The following SPMAP2 variants were observed in gnomAD, a reference collection of about 807,000 sequenced individuals.
SPMAP2 encodes the protein sperm microtubule associated protein 2.
At chr19:372,544 T>C in the SPMAP2 span, 1 of 1,412,278 alleles carries the variant, frequency 7.1e-7, no homozygotes, top group East Asian at 2.3e-5. Context: ...CCTGGACCCT[T>C]TCCCACACAG....
the SPMAP2 span, among the ~76,000 whole-genome samples, chr19:370,121 G>A: frequency 2.6e-5 from 4 of 151,742 alleles, no homozygotes; most frequent in Non-Finnish European, 5.9e-5. Flanking sequence ...GCGCCTGAGC[G>A]CAATCCCCAC....
At chr19:365,305 G>T in the SPMAP2 span, among the ~76,000 whole-genome samples, 107 of 152,342 alleles carry the variant, frequency 7.0e-4, no homozygotes, top group Admixed American at 2.0e-3. Flanking sequence ...GGGTAAGGGG[G>T]CCAAGCAGTG....
chr19:375,283 T>C, the SPMAP2 span, among the ~76,000 whole-genome samples: 1 of 150,656 alleles, frequency 6.6e-6, no homozygotes, highest in East Asian at 1.9e-4. Context: ...TTTCAACTTT[T>C]GAGTTGGGAG....
chr19:371,237 G>C, the SPMAP2 span: 4 of 1,500,486 alleles, frequency 2.7e-6, no homozygotes, highest in Non-Finnish European at 1.8e-6. Context: ...AAGTTATCAC[G>C]AATCTTCGGG....
the SPMAP2 span, chr19:371,406 A>C: frequency 1.3e-5 from 7 of 545,878 alleles, no homozygotes. Context: ...GTGTGTGTGT[A>C]TGTGTCTGTC....
the SPMAP2 span, chr19:361,933 C>T: frequency 0.035 from 8,560 of 247,174 alleles, 821 homozygotes; most frequent in African/African-American, 0.11. Flanking sequence ...GCTGTCGTTC[C>T]GACTCCGACG....
chr19:373,595 C>G, the SPMAP2 span: 2 of 1,546,280 alleles, frequency 1.3e-6, no homozygotes, highest in Non-Finnish European at 1.8e-6. Context: ...CGGAAACAAG[C>G]CTGGGTCTCT....
chr19:375,401 G>A, the SPMAP2 span, among the ~76,000 whole-genome samples: 11 of 152,246 alleles, frequency 7.2e-5, no homozygotes, highest in East Asian at 1.9e-4. Context: ...CAAACTCAGC[G>A]CTGTTTACTC....
chr19:374,123 C>T, the SPMAP2 span: 1 of 1,456,778 alleles, frequency 6.9e-7, no homozygotes, highest in African/African-American at 1.4e-5. Context: ...GTTCCCTAGC[C>T]ACTCCCAGTG....
chr19:375,065 G>GTACCCTAACCGTGCAAA, the SPMAP2 span, among the ~76,000 whole-genome samples: 1 of 152,166 alleles, frequency 6.6e-6, no homozygotes, highest in African/African-American at 2.4e-5. Context: ...GTGAGAAGGG[G>GTACCCTAACCGTGCAAA]GCAGGTCGGG....
the SPMAP2 span, among the ~76,000 whole-genome samples, chr19:364,132 G>A: frequency 2.0e-5 from 3 of 150,658 alleles, no homozygotes; most frequent in East Asian, 2.0e-4. Context: ...AGGAGATCGA[G>A]ACCATCCTGG....
chr19:367,123 G>GTCCCACTCT, the SPMAP2 span: 1 of 1,613,356 alleles, frequency 6.2e-7, no homozygotes, highest in Non-Finnish European at 8.5e-7. Context: ...TTGGCACGGG[G>GTCCCACTCT]TCCCACTCTT....
the SPMAP2 span, among the ~76,000 whole-genome samples, chr19:363,820 C>T: frequency 6.6e-6 from 1 of 151,792 alleles, no homozygotes; most frequent in East Asian, 2.0e-4. Context: ...CAGGTGTGGG[C>T]CACCGTGCCC....
chr19:372,895 G>T, the SPMAP2 span, among the ~76,000 whole-genome samples: 1 of 152,222 alleles, frequency 6.6e-6, no homozygotes, highest in African/African-American at 2.4e-5. Flanking sequence ...GGGACAATGG[G>T]CTCAGAGGCT....
At chr19:361,821 G>A in the SPMAP2 span, 2 of 82,246 alleles carry the variant, frequency 2.4e-5, no homozygotes, top group Admixed American at 2.6e-4. Flanking sequence ...CGACGGTCCC[G>A]TGGCCCCTCA....
the SPMAP2 span, among the ~76,000 whole-genome samples, chr19:370,397 A>G: frequency 6.6e-6 from 1 of 150,904 alleles, no homozygotes; most frequent in African/African-American, 2.4e-5. Flanking sequence ...GCTGGAGGGC[A>G]GTGGCGCGAT....
chr19:368,018 G>A, the SPMAP2 span, among the ~76,000 whole-genome samples: 68 of 152,104 alleles, frequency 4.5e-4, no homozygotes, highest in African/African-American at 1.4e-3. The surrounding 1 kb of genome is among the most constrained non-coding windows in gnomAD (Gnocchi z 4.1). Flanking sequence ...TGGCCGAGGC[G>A]GGAGACCTTG....
chr19:374,084 C>G, the SPMAP2 span: 1 of 1,541,788 alleles, frequency 6.5e-7, no homozygotes, highest in East Asian at 2.3e-5. Flanking sequence ...ACTCCTCACT[C>G]TCCTTTGGCC....
At chr19:367,314 A>G in the SPMAP2 span, 1 of 1,238,946 alleles carries the variant, frequency 8.1e-7, no homozygotes, top group Non-Finnish European at 1.1e-6. Context: ...AGCAACACTG[A>G]AAGACACAAG....
Sources: allele counts gnomAD v4.1 joint callset (sites outside exome capture counted in the v4.1 genomes callset), GRCh38; gene constraint gnomAD v4.1.1; non-coding constraint Gnocchi (gnomAD v3.1); transcripts MANE v1.5; gene names NCBI Gene and HGNC (gene_info 2026-07-23, HGNC 2026-07-21).